TRIM14: variants seen among roughly 807,000 people sequenced by gnomAD.
TRIM14 encodes the protein tripartite motif containing 14.
TRIM14 carries 28 observed loss-of-function variants against 44.5 expected under a neutral mutation model. The observed-to-expected ratio is 0.63, with a 90% CI of 0.47 to 0.86. The LOEUF (loss-of-function observed/expected upper bound fraction) is 0.86, where lower values mean the gene tolerates loss of function less well. Ranked by LOEUF, TRIM14 falls within the 40% of genes least tolerant of loss-of-function variation. The probability of loss-of-function intolerance (pLI) is 0.00; values close to 1 mark genes in which losing one functional copy is unlikely to be tolerated. For missense variants in TRIM14, 607 were observed against 611.1 expected, an observed-to-expected ratio of 0.99 and a Z score of 0.07; for synonymous variants, 299 against 269.2, an observed-to-expected ratio of 1.11 and a Z score of -1.08.
intron 2 of TRIM14, among the ~76,000 whole-genome samples, chr9:98,102,798 T>C (rs1481573011): frequency 2.0e-5 from 3 of 152,134 alleles, no homozygotes; most frequent in Non-Finnish European, 2.9e-5. Context: ...TTCATACCAC[T>C]GAATTGAATA....
chr9:98,088,082 C>T (rs1564173180), intron 5 of TRIM14, 77 bp from the exon 6 acceptor site: 4 of 1,365,318 alleles, frequency 2.9e-6, no homozygotes, highest in Non-Finnish European at 2.8e-6. Context: ...CCCACCAACG[C>T]ACGTGCAAAT....
intron 6 of TRIM14, among the ~76,000 whole-genome samples, chr9:98,070,653 C>G (rs1174008624): frequency 6.6e-6 from 1 of 152,094 alleles, no homozygotes; most frequent in Non-Finnish European, 1.5e-5. Flanking sequence ...CTCCCGACCT[C>G]AGGTGATCCG....
At chr9:98,043,462 T>A in the TRIM14 span, among the ~76,000 whole-genome samples, 2 of 152,204 alleles carry the variant, frequency 1.3e-5, no homozygotes, top group South Asian at 4.1e-4. Flanking sequence ...CCACCATGCC[T>A]GGCTAATTTG....
At chr9:98,075,455 AAAGG>A (rs1829546700) in intron 6 of TRIM14, 1 of 138,612 alleles carries the variant, frequency 7.2e-6, no homozygotes, top group African/African-American at 2.7e-5. Flanking sequence ...GAAAGGGAGG[AAAGG>A]GAGGGAGGGA....
At chr9:98,080,843 C>A, downstream of TRIM14, 4 of 1,603,416 alleles carry the variant, frequency 2.5e-6, no homozygotes, top group Non-Finnish European at 2.6e-6. Context: ...TCCTGACATT[C>A]CCATAGGGTA....
the TRIM14 span, among the ~76,000 whole-genome samples, chr9:98,042,352 T>G: frequency 2.6e-5 from 4 of 151,462 alleles, no homozygotes; most frequent in African/African-American, 9.7e-5. Flanking sequence ...GCCTGGACAC[T>G]TAGTATCTAT....
At chr9:98,040,625 T>C in the TRIM14 span, among the ~76,000 whole-genome samples, 43,990 of 151,432 alleles carry the variant, frequency 0.29, 6,613 homozygotes, top group African/African-American at 0.31. Context: ...ATTGCCTTTC[T>C]TCCTGCCTGG....
At chr9:98,047,947 G>A in the TRIM14 span, among the ~76,000 whole-genome samples, 1 of 151,692 alleles carries the variant, frequency 6.6e-6, no homozygotes, top group African/African-American at 2.4e-5. Context: ...TGCCTGTAGT[G>A]CCAGCTACTC....
intron 6 of TRIM14, among the ~76,000 whole-genome samples, chr9:98,070,058 C>T (rs1829268612): frequency 6.6e-6 from 1 of 152,054 alleles, no homozygotes; most frequent in Non-Finnish European, 1.5e-5. Context: ...TACAGTTGCA[C>T]CTGAATCTAC....
chr9:98,061,226 C>T, the TRIM14 span: 12 of 511,474 alleles, frequency 2.3e-5, no homozygotes, highest in South Asian at 2.0e-4. Flanking sequence ...CCTGTAATCC[C>T]GGCACTTTGG....
chr9:98,059,997 G>A, the TRIM14 span, among the ~76,000 whole-genome samples: 1 of 152,294 alleles, frequency 6.6e-6, no homozygotes, highest in South Asian at 2.1e-4. Context: ...TACACATCCT[G>A]GAGGTAGCCC....
intron 1 of TRIM14, among the ~76,000 whole-genome samples, chr9:98,111,440 A>C (rs571043508): frequency 6.6e-6 from 1 of 152,072 alleles, no homozygotes; most frequent in Admixed American, 6.6e-5. Context: ...AAAACAAAAA[A>C]CCTGGCTGGG....
chr9:98,069,816 T>C (rs1829258998), intron 6 of TRIM14: 1 of 152,230 alleles, frequency 6.6e-6, no homozygotes, highest in South Asian at 2.1e-4. Context: ...TGGTACCTTC[T>C]GTATGGTGAC....
the TRIM14 span, among the ~76,000 whole-genome samples, chr9:98,041,550 G>T: frequency 6.6e-6 from 1 of 151,744 alleles, no homozygotes; most frequent in East Asian, 1.9e-4. Flanking sequence ...GGAGTGCAAT[G>T]ACATGATCTT....
downstream of TRIM14, among the ~76,000 whole-genome samples, chr9:98,079,505 ACT>A (rs1411185728): frequency 2.6e-5 from 4 of 151,848 alleles, no homozygotes; most frequent in Admixed American, 6.6e-5. Flanking sequence ...AACTGACATT[ACT>A]CTCTTTTTAC....
downstream of TRIM14, among the ~76,000 whole-genome samples, chr9:98,083,941 C>A (rs1423600874): frequency 6.6e-6 from 1 of 152,162 alleles, no homozygotes; most frequent in Non-Finnish European, 1.5e-5. Context: ...AATGAGTTAT[C>A]TTCAGAAGCA....
chr9:98,091,127 G>C (rs1031388854), intron 5 of TRIM14, among the ~76,000 whole-genome samples: 3 of 152,122 alleles, frequency 2.0e-5, no homozygotes, highest in Non-Finnish European at 4.4e-5. Flanking sequence ...ATGAGGTATG[G>C]TGTGTTCATT....
intron 6 of TRIM14, among the ~76,000 whole-genome samples, chr9:98,078,773 T>A (rs1429167651): frequency 6.8e-6 from 1 of 146,860 alleles, no homozygotes; most frequent in African/African-American, 2.6e-5. Context: ...AGGCAGAGGT[T>A]GCAGTGAGCC....
At chr9:98,117,276 TTTTA>T (rs55719181) in intron 1 of TRIM14, among the ~76,000 whole-genome samples, 450 of 147,624 alleles carry the variant, frequency 3.0e-3, no homozygotes, top group South Asian at 6.9e-3. Flanking sequence ...AGATTCTCTG[TTTTA>T]TTTATTTATT....
Sources: allele counts gnomAD v4.1 joint callset (sites outside exome capture counted in the v4.1 genomes callset), GRCh38; gene constraint gnomAD v4.1.1; transcripts MANE v1.5; gene names NCBI Gene and HGNC (gene_info 2026-07-23, HGNC 2026-07-21).